BACH2: variants seen among roughly 807,000 people sequenced by gnomAD.
The protein encoded by BACH2 is transcription regulator protein BACH2.
In BACH2, 5 loss-of-function variants were observed where a neutral mutation model predicts 61.8. That is an observed-to-expected ratio of 0.08 (90% CI 0.04 to 0.17). BACH2 has a LOEUF of 0.17. Among genes scored for constraint, BACH2 ranks in the 10% least tolerant of loss-of-function variants. The probability of loss-of-function intolerance (pLI) is 1.00; values close to 1 mark genes in which losing one functional copy is unlikely to be tolerated. For synonymous variants in BACH2, 446 were observed against 440.1 expected, an observed-to-expected ratio of 1.01 and a Z score of -0.17; for missense variants, 824 against 1,091.1, an observed-to-expected ratio of 0.76 and a Z score of 3.45.
rs1772516943 is a variant in BACH2, at chr6:89,929,394, C to T, written c.*3014G>A. On this transcript the variant is annotated 3_prime_UTR_variant, in exon 9 of 9. Coordinates refer to ENST00000257749, the MANE Select transcript of BACH2 (RefSeq NM_021813.4). Reference sequence around the variant, plus strand: ...GGATTCTGGTCCCCAGCAAGTCCTCCCTTTGAATCAACCCAGAAATAATTT... The same window carrying T: ...GGATTCTGGTCCCCAGCAAGTCCTCTCTTTGAATCAACCCAGAAATAATTT... 6.6e-6 allele frequency: 1 copy of T among 152,318 alleles called. No homozygotes were observed. The highest frequency in any genetic ancestry group is 2.4e-5 in the African/African-American group (1 of 41,448). 9.4% of individuals were successfully genotyped at this position (152,318 alleles called of 1,614,324 possible).
chr6:90,191,308 C>T (rs1768562360), intron 4 of BACH2, among the ~76,000 whole-genome samples: 1 of 152,186 alleles, frequency 6.6e-6, no homozygotes, highest in South Asian at 2.1e-4. Flanking sequence ...ACACTGCTCA[C>T]ATATTTAAGG....
At chr6:90,073,052 A>C (rs1038102623) in intron 5 of BACH2, among the ~76,000 whole-genome samples, 5 of 152,242 alleles carry the variant, frequency 3.3e-5, no homozygotes, top group South Asian at 2.1e-4. Flanking sequence ...GATGGTACTG[A>C]GGGAGGAGGT....
intron 4 of BACH2, among the ~76,000 whole-genome samples, chr6:90,109,879 T>C (rs1173731918): frequency 1.3e-5 from 2 of 152,186 alleles, no homozygotes; most frequent in Admixed American, 1.3e-4. Flanking sequence ...TTCTTGATTA[T>C]GTGGGTTATA....
intron 3 of BACH2, among the ~76,000 whole-genome samples, chr6:90,252,176 G>A (rs1770832317): frequency 1.3e-5 from 2 of 152,108 alleles, no homozygotes; most frequent in Non-Finnish European, 2.9e-5. Context: ...GACTGCCCGG[G>A]TATCCTTTTT....
intron 4 of BACH2, among the ~76,000 whole-genome samples, chr6:90,176,935 T>A (rs1768002865): frequency 1.3e-5 from 2 of 152,296 alleles, no homozygotes; most frequent in Admixed American, 6.5e-5. Flanking sequence ...CTTTCTGCCG[T>A]CCTTCTGGCT....
At chr6:90,270,934 C>T (rs1409744114) in intron 2 of BACH2, among the ~76,000 whole-genome samples, 1 of 152,100 alleles carries the variant, frequency 6.6e-6, no homozygotes, top group African/African-American at 2.4e-5. Flanking sequence ...ATACTTACAG[C>T]CAACTGATCT....
chr6:90,262,801 T>A (rs1771205884), intron 2 of BACH2, among the ~76,000 whole-genome samples: 1 of 152,194 alleles, frequency 6.6e-6, no homozygotes, highest in Non-Finnish European at 1.5e-5. Flanking sequence ...AGAGCTATTA[T>A]CCCAAGGGAC....
chr6:90,126,538 T>C (rs894719856), intron 4 of BACH2, among the ~76,000 whole-genome samples: 2 of 152,194 alleles, frequency 1.3e-5, no homozygotes, highest in Non-Finnish European at 2.9e-5. Context: ...AACATGAACA[T>C]AGAGCTACAT....
rs115673505 is a variant in BACH2 at position 90,129,455 on chromosome 6, C to A, written c.-161-40346G>T. ...TCCTCTAAGTTCCCTCCCCTCACCTCCCAACAGGCCATGGTGTGTGTTGTT... is the reference window on the plus strand; with the variant it reads ...TCCTCTAAGTTCCCTCCCCTCACCTACCAACAGGCCATGGTGTGTGTTGTT... On this transcript the variant is annotated intron_variant, in intron 4 of 8. Transcript: ENST00000257749. Among the ~76,000 whole-genome samples, 866 of 152,198 alleles carry A rather than the reference C, an allele frequency of 5.7e-3. 10 individuals carry two copies. The highest frequency in any genetic ancestry group is 0.02 in the African/African-American group (829 of 41,546).
intron 2 of BACH2, among the ~76,000 whole-genome samples, chr6:90,271,027 T>A (rs1358818698): frequency 6.6e-6 from 1 of 152,118 alleles, no homozygotes; most frequent in Non-Finnish European, 1.5e-5. Context: ...AAGCCACATG[T>A]AGAAGAATGA....
chr6:90,199,847 T>C (rs1768897327), intron 4 of BACH2, among the ~76,000 whole-genome samples: 2 of 152,208 alleles, frequency 1.3e-5, no homozygotes. Context: ...ATAGAAGTGC[T>C]ACAATGTCCA....
intron 1 of BACH2, among the ~76,000 whole-genome samples, chr6:90,290,085 T>C (rs1279100001): frequency 6.6e-6 from 1 of 152,184 alleles, no homozygotes; most frequent in Non-Finnish European, 1.5e-5. Flanking sequence ...TTTGCCAAAA[T>C]GGCCCCAGAG....
chr6:90,128,229 G>A (rs1297140738), intron 4 of BACH2, among the ~76,000 whole-genome samples: 1 of 152,136 alleles, frequency 6.6e-6, no homozygotes, highest in Non-Finnish European at 1.5e-5. Context: ...GACAATTTAA[G>A]GTATTCATCC....
At chr6:89,960,595 T>C (rs1169758410) in intron 6 of BACH2, among the ~76,000 whole-genome samples, 1 of 152,256 alleles carries the variant, frequency 6.6e-6, no homozygotes, top group Non-Finnish European at 1.5e-5. Context: ...AGTGTCTGCA[T>C]TCCTCCTGAA....
Position 90,173,923 on chromosome 6 carries a change from TG to T in BACH2, c.-162+32645del, listed in dbSNP as rs112332163. 1.8e-3 allele frequency among the ~76,000 whole-genome samples: 273 copies of T among 152,220 alleles called. 1 individual carries two copies. Among genetic ancestry groups the T allele is most frequent in the African/African-American group, 6.1e-3 (255 of 41,564 alleles). On this transcript the variant is annotated intron_variant, in intron 4 of 8. Coordinates refer to ENST00000257749, the MANE Select transcript of BACH2 (RefSeq NM_021813.4). ...TTTTGTGTCTTTGAATAAAGGAGGC[TG>T]GGGGAAGAACTGCGTAGGCAAATAA...
At chr6:90,091,435 C>A (rs1349780623) in intron 4 of BACH2, among the ~76,000 whole-genome samples, 4 of 152,104 alleles carry the variant, frequency 2.6e-5, no homozygotes, top group African/African-American at 2.4e-5. Context: ...AAGAAACATA[C>A]AAACACATTC....
At chr6:89,959,097 GCACACACA>G (rs60175244) in intron 6 of BACH2, among the ~76,000 whole-genome samples, 11,477 of 134,296 alleles carry the variant, frequency 0.085, 525 homozygotes, top group East Asian at 0.18. Flanking sequence ...ATGCACAAGT[GCACACACA>G]CACACACACA....
intron 5 of BACH2, among the ~76,000 whole-genome samples, chr6:90,064,240 T>C (rs1339109610): frequency 6.6e-6 from 1 of 152,140 alleles, no homozygotes; most frequent in Non-Finnish European, 1.5e-5. Flanking sequence ...GAAGAGGAAA[T>C]AACTTTCAGT....
At position 89,954,298 on chromosome 6, in the gene BACH2, CTTT is replaced by C. The variant is rs56660189; in HGVS notation, c.244-2439_244-2437del. Among the ~76,000 whole-genome samples, 195 of 143,446 alleles carry C rather than the reference CTTT, an allele frequency of 1.4e-3. 1 individual carries two copies. The highest frequency in any genetic ancestry group is 4.7e-3 in the African/African-American group (186 of 39,382). 94.1% of individuals were successfully genotyped at this position (143,446 alleles called of 152,430 possible). On this transcript the variant is annotated intron_variant, in intron 6 of 8. Transcript: ENST00000257749. ...TATTTATACTGTTCACACAGTTTTT[CTTT>C]TTTTTTTTATTATTATTATGCTTTA...
Sources: allele counts gnomAD v4.1 joint callset (sites outside exome capture counted in the v4.1 genomes callset), GRCh38; gene constraint gnomAD v4.1.1; transcripts MANE v1.5; gene names NCBI Gene and HGNC (gene_info 2026-07-23, HGNC 2026-07-21).